The following AIFM3 variants were observed in gnomAD, a reference collection of about 807,000 sequenced individuals.
AIFM3 encodes the protein AIF family member 3, also known as apoptosis-inducing factor 3.
AIFM3 carries 71 observed loss-of-function variants against 82.7 expected under a neutral mutation model. That is an observed-to-expected ratio of 0.86 (90% CI 0.71 to 1.05). The LOEUF (loss-of-function observed/expected upper bound fraction) is 1.05, where lower values mean the gene tolerates loss of function less well. Ranked by LOEUF, AIFM3 falls within the 50% of genes least tolerant of loss-of-function variation. The pLI, the probability that AIFM3 is intolerant of heterozygous loss-of-function variation, is 0.00. For synonymous variants in AIFM3, 337 were observed against 329.1 expected (o/e 1.02, Z -0.26); for missense variants, 748 against 816.7 (o/e 0.92, Z 1.03).
intron 9 of AIFM3, 115 bp from the exon 10 acceptor site, chr22:20,976,100 A>T: frequency 8.4e-7 from 1 of 1,184,552 alleles, no homozygotes; most frequent in Non-Finnish European, 1.2e-6. Flanking sequence ...GATCTGTTTT[A>T]ATGGGAGCTT....
Position 20,980,001 on chromosome 22 carries a change from G to A in AIFM3, c.1653-19G>A. On this transcript the variant is annotated intron_variant, in intron 18 of 20. Coordinates refer to ENST00000440238, the MANE Select transcript of AIFM3 (RefSeq NM_001386814.1). ...CTGCTGCCTCGCAGTCCTCAGGCTT[G>A]GCCATCCTCTCCTTGCAGAGGCGAC... 1.2e-6 allele frequency: 2 copies of A among 1,606,482 alleles called. No homozygotes were observed. Among genetic ancestry groups the A allele is most frequent in the South Asian group, 1.1e-5 (1 of 90,720 alleles).
chr22:20,979,933 G>A (rs1423099039), intron 18 of AIFM3, 87 bp from the exon 19 acceptor site: 2 of 1,324,304 alleles, frequency 1.5e-6, no homozygotes, highest in East Asian at 2.5e-5. Context: ...TCCTTCCCTG[G>A]GCCCCAGATG....
At chr22:20,975,025 C>T (rs996392131) in intron 8 of AIFM3, among the ~76,000 whole-genome samples, 3 of 152,128 alleles carry the variant, frequency 2.0e-5, no homozygotes, top group African/African-American at 2.4e-5. Context: ...TGCAGTGGCG[C>T]CTTCTCGGCT....
chr22:20,972,808 G>T (rs942343737), intron 2 of AIFM3, among the ~76,000 whole-genome samples: 1 of 152,162 alleles, frequency 6.6e-6, no homozygotes, highest in Non-Finnish European at 1.5e-5. Context: ...ACTTTGGGAG[G>T]CTGAGGCGGG....
intron 2 of AIFM3, 139 bp downstream of exon 2, chr22:20,968,114 A>C: frequency 3.4e-6 from 3 of 888,984 alleles, no homozygotes; most frequent in African/African-American, 1.7e-5. Context: ...GAATGTTAAT[A>C]CGCTGCCGCC....
chr22:20,975,652 G>T, intron 8 of AIFM3, 40 bp from the exon 9 acceptor site: 1 of 1,603,854 alleles, frequency 6.2e-7, no homozygotes, highest in South Asian at 1.1e-5. Flanking sequence ...AGTGTCTTCT[G>T]CTGTAAACTG....
intron 14 of AIFM3, 152 bp from the exon 15 acceptor site, chr22:20,977,548 G>A: frequency 1.2e-6 from 1 of 862,360 alleles, no homozygotes; most frequent in Non-Finnish European, 1.9e-6. Flanking sequence ...GGGAGACCGG[G>A]TAGTGGGGAC....
At chr22:20,968,133 G>A (rs1011499410) in intron 2 of AIFM3, among the ~76,000 whole-genome samples, 158 bp downstream of exon 2, 1 of 152,206 alleles carries the variant, frequency 6.6e-6, no homozygotes, top group Non-Finnish European at 1.5e-5. Context: ...CCAGGAGGGG[G>A]TAGGGGGCCT....
At position 20,974,764 on chromosome 22, in the gene AIFM3, T is replaced by A; in HGVS notation, c.668T>A (p.Val223Asp). Reference sequence around the variant, plus strand: ...CAGGAGGGCTTCTCCGACCGGATCGTCCTGTGCACGCTAGACCGGCACCTT... The same window carrying A: ...CAGGAGGGCTTCTCCGACCGGATCGACCTGTGCACGCTAGACCGGCACCTT... ...LRQEGFSDRI[V>D]LCTLDRHLPY... Residue 223 changes from valine to aspartate, a missense_variant, in exon 8 of 21, where the codon GTC (valine) becomes GAC (aspartate). By Grantham distance (152) the Val-to-Asp change is radical (BLOSUM62 -3). This residue lies in a region of AIFM3 where 393 missense variants were observed against 481.1 expected (regional missense o/e 0.82). Transcript: ENST00000440238. 1 of 1,613,612 alleles carries A rather than the reference T, an allele frequency of 6.2e-7. No individual in the cohort carries two copies. Among genetic ancestry groups the A allele is most frequent in the Non-Finnish European group, 8.5e-7 (1 of 1,179,948 alleles).
rs763854111 is a variant in AIFM3 at position 20,973,253 on chromosome 22, A to G, written c.32-54A>G. On this transcript the variant is annotated intron_variant, in intron 2 of 20. Transcript: ENST00000440238. The stretch of plus-strand genomic sequence containing the variant: ...CTGGCCTCTGCACCCAGCTTGAGGG[A>G]TGGGGGAGGAAGTTGGCTGAGGTGG... 10 of 1,541,808 alleles carry G rather than the reference A, an allele frequency of 6.5e-6. No individual in the cohort carries two copies. The South Asian group carries it at 1.1e-4, about 17-fold the overall frequency.
intron 2 of AIFM3, among the ~76,000 whole-genome samples, chr22:20,968,626 T>C (rs1442580417): frequency 6.6e-6 from 1 of 152,096 alleles, no homozygotes; most frequent in Non-Finnish European, 1.5e-5. Flanking sequence ...TTTTCTCCAC[T>C]AAAGACTCAT....
intron 9 of AIFM3, among the ~76,000 whole-genome samples, 171 bp downstream of exon 9, chr22:20,975,949 A>T (rs1923619393): frequency 6.6e-6 from 1 of 152,262 alleles, no homozygotes; most frequent in Non-Finnish European, 1.5e-5. Flanking sequence ...CTGATGGGTC[A>T]TAGGCACACA....
In AIFM3 at chr22:20,979,322, T is replaced by G. The variant is rs1601710244; in HGVS notation, c.1529T>G (p.Val510Gly). The change falls in exon 17 of 21, where the codon GTG becomes GGG. Residue 510 changes from valine to glycine, a missense_variant. Physicochemically the swap from Val to Gly is moderately radical, Grantham distance 109. Around this residue, in one of 5 missense-constraint regions of AIFM3, gnomAD observed 183 missense variants for 158.2 expected, o/e 1.16. Transcript: ENST00000440238. ...MLAQEAEMST[V>G]PYLWTAMFGK... ...GCGCAGGAGGCGGAGATGAGCACTG[T>G]GCCCTACCTCTGGACCGCCATGTTT... The G allele has an allele frequency of 6.4e-7, 1 of 1,556,252 alleles. No homozygotes were observed. Among genetic ancestry groups the G allele is most frequent in the South Asian group, 1.2e-5 (1 of 84,616 alleles).
rs746636724 is a variant in AIFM3, at chr22:20,974,022, AC to A, written c.356-37del. ...GGGGCACTGAGATCCTTGGGAAGCA[AC>A]CCCTGCTGGTGGGCGCAGCCTAACA... On this transcript the variant is annotated intron_variant, in intron 4 of 20. Coordinates refer to ENST00000440238, the MANE Select transcript of AIFM3 (RefSeq NM_001386814.1). 3.8e-6 allele frequency: 6 copies of A among 1,559,592 alleles called. No individual in the cohort carries two copies. The African/African-American group carries it at 6.8e-5, about 18-fold the overall frequency.
chr22:20,979,568 G>A lies in AIFM3; in HGVS notation c.1577-59G>A, dbSNP rs8137514. ...CTGGGCGGGGTTAGGAGGGGATCCT[G>A]TGACGTCTCGTTCCCTCCCCCGGCT... On this transcript the variant is annotated intron_variant, in intron 17 of 20. Transcript: ENST00000440238. 5.9e-3 allele frequency: 9,338 copies of A among 1,596,162 alleles called. 491 individuals carry two copies. The African/African-American group carries it at 0.11, about 19-fold the overall frequency.
intron 20 of AIFM3, 100 bp downstream of exon 20, chr22:20,980,867 T>A: frequency 6.2e-7 from 1 of 1,608,108 alleles, no homozygotes; most frequent in African/African-American, 1.3e-5. Context: ...TACACCTCCC[T>A]GCTGGGCACT....
intron 2 of AIFM3, among the ~76,000 whole-genome samples, chr22:20,968,711 C>T (rs1386444154): frequency 6.6e-6 from 1 of 152,062 alleles, no homozygotes; most frequent in Admixed American, 6.6e-5. Context: ...CAGGAGTGTG[C>T]AGCTTTGTCA....
In AIFM3 at chr22:20,976,758, C is replaced by T. The variant is rs774053295; in HGVS notation, c.1138C>T (p.Leu380Phe). Residue 380 changes from leucine to phenylalanine, a missense_variant, in exon 12 of 21, where the codon CTC (leucine) becomes TTC (phenylalanine). Coordinates refer to ENST00000440238, the MANE Select transcript of AIFM3 (RefSeq NM_001386814.1). ...CCTGGGGGAGCGCGTGGGTCGTGCC[C>T]TCATGAAGGTGAGCCCACCCCAGCA... ...RFLGERVGRA[L>F]MKMFENNRVK... 8.1e-6 allele frequency: 13 copies of T among 1,612,162 alleles called. No homozygotes were observed. In the East Asian group the frequency reaches 1.1e-4, roughly 14 times the overall value.
intron 20 of AIFM3, 110 bp downstream of exon 20, chr22:20,980,877 T>C: frequency 6.2e-7 from 1 of 1,606,568 alleles, no homozygotes. Context: ...TGCTGGGCAC[T>C]AGGGTCTGGC....
Sources: gnomAD v4.1 joint callset for allele counts (sites outside exome capture counted in the v4.1 genomes callset) on GRCh38, gnomAD v4.1.1 for gene constraint, gnomAD v4.1.1 regional missense constraint, MANE v1.5 for transcripts, NCBI Gene and HGNC (gene_info 2026-07-23, HGNC 2026-07-21) for gene names.